The following SNX24 variants were observed in gnomAD, a reference collection of about 807,000 sequenced individuals.
SNX24 encodes sorting nexin-24.
Under a neutral mutation model 28.7 loss-of-function variants are expected in SNX24, and 22 were observed. The ratio of observed to expected loss-of-function variants is 0.77; its 90% CI spans 0.55 to 1.10. The LOEUF (loss-of-function observed/expected upper bound fraction) is 1.10. Among genes scored for constraint, SNX24 ranks in the 50% least tolerant of loss-of-function variants. SNX24 has a pLI of 0.00. For synonymous variants in SNX24, 69 were observed against 71.5 expected, an observed-to-expected ratio of 0.96 and a Z score of 0.18; for missense variants, 221 against 201.1, an observed-to-expected ratio of 1.10 and a Z score of -0.60.
chr5:122,903,696 A>C (rs996188252), intron 1 of SNX24, among the ~76,000 whole-genome samples: 1 of 152,120 alleles, frequency 6.6e-6, no homozygotes, highest in African/African-American at 2.4e-5. Context: ...ATTAACCTTA[A>C]GTTTTGGTTT....
At chr5:122,996,295 A>C (rs909458197) in intron 3 of SNX24, among the ~76,000 whole-genome samples, 5 of 152,328 alleles carry the variant, frequency 3.3e-5, no homozygotes, top group African/African-American at 9.6e-5. Flanking sequence ...CACCGGCCAC[A>C]GTGCATCAGG....
intron 1 of SNX24, among the ~76,000 whole-genome samples, chr5:122,872,908 T>G (rs1418366213): frequency 6.6e-6 from 1 of 152,012 alleles, no homozygotes; most frequent in Non-Finnish European, 1.5e-5. Flanking sequence ...CTATCAGTGT[T>G]CGTTCAGGTT....
At chr5:123,006,786 G>C (rs1450477885) in intron 6 of SNX24, among the ~76,000 whole-genome samples, 1 of 152,168 alleles carries the variant, frequency 6.6e-6, no homozygotes, top group Non-Finnish European at 1.5e-5. Flanking sequence ...CCTAGCCTCT[G>C]AGAGCCTTTC....
chr5:122,922,474 AACTCCTG>A (rs1758476871), intron 1 of SNX24, among the ~76,000 whole-genome samples: 1 of 151,904 alleles, frequency 6.6e-6, no homozygotes, highest in Non-Finnish European at 1.5e-5. Context: ...GCTGGTCTCG[AACTCCTG>A]ACATCAGGTG....
chr5:122,934,192 GC>G (rs771050842), intron 1 of SNX24, among the ~76,000 whole-genome samples: 11 of 151,974 alleles, frequency 7.2e-5, no homozygotes, highest in Non-Finnish European at 1.2e-4. Context: ...CTTTCCCAGC[GC>G]CGTCCTGGAG....
downstream of SNX24, among the ~76,000 whole-genome samples, chr5:123,012,790 A>G (rs1048469129): frequency 4.6e-5 from 7 of 152,200 alleles, no homozygotes; most frequent in South Asian, 1.5e-3. Context: ...ACCAGTTACT[A>G]GTCTCACATC....
At chr5:122,927,438 G>A (rs1758752759) in intron 1 of SNX24, among the ~76,000 whole-genome samples, 1 of 152,178 alleles carries the variant, frequency 6.6e-6, no homozygotes, top group Non-Finnish European at 1.5e-5. Flanking sequence ...TTTGTGCTGA[G>A]TTTTAAACCA....
intron 3 of SNX24, among the ~76,000 whole-genome samples, chr5:122,979,034 A>G (rs918088895): frequency 6.6e-6 from 1 of 151,066 alleles, no homozygotes; most frequent in African/African-American, 2.5e-5. Flanking sequence ...GGGTAAATGT[A>G]ATATATCCCT....
chr5:122,892,280 AAGTT>A (rs1235982983), intron 1 of SNX24, among the ~76,000 whole-genome samples: 1 of 152,032 alleles, frequency 6.6e-6, no homozygotes, highest in Non-Finnish European at 1.5e-5. Flanking sequence ...AAGCCTCAGA[AAGTT>A]AGTTGTTATC....
rs547897238 is a variant in SNX24, at chr5:123,018,560, G to A, written n.384-10678G>A. Reference sequence around the variant, plus strand: ...CTGAAAAGTTAATGGGGGTGGAAACGTACCTGAAAACGTACCTGACTGCTA... The same window carrying A: ...CTGAAAAGTTAATGGGGGTGGAAACATACCTGAAAACGTACCTGACTGCTA... On this transcript the variant is annotated intron_variant and non_coding_transcript_variant, in intron 5 of 5. Coordinates refer to the SNX24 transcript ENST00000502387. 2.0e-4 allele frequency among the ~76,000 whole-genome samples: 30 copies of A among 152,266 alleles called. No individual in the cohort carries two copies. The South Asian group carries it at 3.3e-3, about 17-fold the overall frequency.
intron 1 of SNX24, among the ~76,000 whole-genome samples, chr5:122,920,342 C>T (rs1440857864): frequency 1.3e-5 from 2 of 152,106 alleles, no homozygotes; most frequent in Non-Finnish European, 2.9e-5. Context: ...GTTTTCCTGC[C>T]TTGAGAAGTG....
rs150913062 is a variant in SNX24 at position 122,966,459 on chromosome 5, C to T, written c.249+20300C>T. Among the ~76,000 whole-genome samples the T allele has an allele frequency of 5.3e-5, 8 of 152,250 alleles. No individual in the cohort carries two copies. The East Asian group carries it at 1.5e-3, about 29-fold the overall frequency. On this transcript the variant is annotated intron_variant, in intron 3 of 6. Coordinates refer to ENST00000261369, the MANE Select transcript of SNX24 (RefSeq NM_014035.4). ...ATTACTCCACTCTGCCATTGTAGTG[C>T]AAAAGCTACCATAGATGATACATAA...
rs576837683 is a variant in SNX24, at chr5:123,024,772, G to A, written n.384-4466G>A. ...GAGCAAGACTGGTTTATTTACATTT[G>A]GATGAGGGAGGTAGAATAAGTCACA... On this transcript the variant is annotated intron_variant and non_coding_transcript_variant, in intron 5 of 5. Coordinates refer to the SNX24 transcript ENST00000502387. 3.9e-5 allele frequency among the ~76,000 whole-genome samples: 6 copies of A among 152,302 alleles called. No homozygotes were observed. The South Asian group carries it at 8.3e-4, about 21-fold the overall frequency.
intron 1 of SNX24, among the ~76,000 whole-genome samples, chr5:122,876,676 C>G (rs1345424407): frequency 6.6e-6 from 1 of 152,116 alleles, no homozygotes; most frequent in African/African-American, 2.4e-5. Flanking sequence ...CAAAATCACA[C>G]AATACTTGTT....
At chr5:123,022,018 G>A (rs448442) in intron 5 of SNX24, among the ~76,000 whole-genome samples, 94,368 of 151,780 alleles carry the variant, frequency 0.62, 30,705 homozygotes, top group Non-Finnish European at 0.7. Context: ...CTTCTCTCCC[G>A]GCCTCTCTGG....
chr5:122,914,300 GTATTT>G (rs1758063220), intron 1 of SNX24, among the ~76,000 whole-genome samples: 1 of 152,228 alleles, frequency 6.6e-6, no homozygotes, highest in Non-Finnish European at 1.5e-5. Context: ...CGGTTTGCCA[GTATTT>G]TATTGAGGAT....
At chr5:122,939,996 C>CTTTTTTTTTTTTTTTTTTTTTTTTTTT (rs11419088) in intron 2 of SNX24, among the ~76,000 whole-genome samples, 3 of 147,686 alleles carry the variant, frequency 2.0e-5, no homozygotes, top group African/African-American at 7.5e-5. Flanking sequence ...TTTTCATTTT[C>CTTTTTTTTTTTTTTTTTTTTTTTTTTT]TTTTTTTTTT....
At chr5:122,881,457 G>A (rs559996518) in intron 1 of SNX24, among the ~76,000 whole-genome samples, 1 of 152,208 alleles carries the variant, frequency 6.6e-6, no homozygotes, top group South Asian at 2.1e-4. Flanking sequence ...AGATTGTCAG[G>A]CCCTATCCCA....
intron 1 of SNX24, among the ~76,000 whole-genome samples, chr5:122,906,069 AG>A (rs1757635846): frequency 6.6e-6 from 1 of 152,246 alleles, no homozygotes; most frequent in African/African-American, 2.4e-5. Flanking sequence ...GAGAGCTCTA[AG>A]ACCACAGAAC....
Sources: gnomAD v4.1 joint callset for allele counts (sites outside exome capture counted in the v4.1 genomes callset) on GRCh38, gnomAD v4.1.1 for gene constraint, MANE v1.5 for transcripts, NCBI Gene and HGNC (gene_info 2026-07-23, HGNC 2026-07-21) for gene names.